WDFY2: variants seen among roughly 807,000 people sequenced by gnomAD.
WDFY2 encodes the protein WD repeat and FYVE domain containing 2.
A neutral mutation model predicts 56.4 loss-of-function variants in WDFY2; 36 were observed. That is an observed-to-expected ratio of 0.64 (90% CI 0.49 to 0.84). WDFY2 has a LOEUF of 0.84. Among genes scored for constraint, WDFY2 ranks in the 40% least tolerant of loss-of-function variants. The pLI, the probability that WDFY2 is intolerant of heterozygous loss-of-function variation, is 0.00. For synonymous variants in WDFY2, 176 were observed against 183.7 expected, an observed-to-expected ratio of 0.96 and a Z score of 0.34; for missense variants, 444 against 512.2, an observed-to-expected ratio of 0.87 and a Z score of 1.29.
intron 6 of WDFY2, among the ~76,000 whole-genome samples, chr13:51,730,251 C>T (rs1449650740): frequency 1.3e-5 from 2 of 152,198 alleles, no homozygotes; most frequent in East Asian, 3.8e-4. Flanking sequence ...GTCGTTATTA[C>T]GCCACTGAAA....
At chr13:51,589,379 ACT>A (rs935008926) in intron 1 of WDFY2, 2 of 151,586 alleles carry the variant, frequency 1.3e-5, no homozygotes, top group African/African-American at 4.9e-5. Flanking sequence ...TTTTTTCCTG[ACT>A]CTAAATTACT....
At chr13:51,636,645 G>A (rs1285137315) in intron 1 of WDFY2, among the ~76,000 whole-genome samples, 1 of 152,154 alleles carries the variant, frequency 6.6e-6, no homozygotes, top group Non-Finnish European at 1.5e-5. Flanking sequence ...ACGTTCAAGA[G>A]GTCTGGGATA....
At chr13:51,747,101 A>G (rs1259171053) in intron 7 of WDFY2, among the ~76,000 whole-genome samples, 3 of 152,210 alleles carry the variant, frequency 2.0e-5, no homozygotes, top group African/African-American at 7.2e-5. Flanking sequence ...TTTCCATGAA[A>G]CTCTGAGGCT....
chr13:51,593,248 C>T (rs897707061), intron 1 of WDFY2, among the ~76,000 whole-genome samples: 1 of 152,156 alleles, frequency 6.6e-6, no homozygotes, highest in Non-Finnish European at 1.5e-5. Flanking sequence ...GGCCTCTGAT[C>T]TCCCATCATG....
chr13:51,703,103 C>G (rs1952017428), intron 3 of WDFY2, among the ~76,000 whole-genome samples: 1 of 152,144 alleles, frequency 6.6e-6, no homozygotes, highest in South Asian at 2.1e-4. Context: ...AGGTACTGTG[C>G]CCGGTGTCCT....
Position 51,756,457 on chromosome 13 carries a change from T to C in WDFY2, c.1059T>C (p.Asp353=). The C allele has an allele frequency of 1.2e-6, 2 of 1,613,704 alleles. No individual in the cohort carries two copies. Among genetic ancestry groups the C allele is most frequent in the Non-Finnish European group, 1.7e-6 (2 of 1,179,802 alleles). ...VCDSCHEAIT[D]EERAPTATFH... ...ACAGCTGCCACGAGGCCATCACAGA[T>C]GAAGAGTAAGTTCCTGCAGCCTGCA... Residue 353 remains aspartate, a synonymous_variant, in exon 10 of 12, where the codon GAT becomes GAC. Transcript: ENST00000298125.
intron 2 of WDFY2, 74 bp downstream of exon 2, chr13:51,660,737 A>G: frequency 7.6e-7 from 1 of 1,309,228 alleles, no homozygotes; most frequent in Non-Finnish European, 1.1e-6. Context: ...TTTTCTTCTT[A>G]AGTAGAGAAG....
chr13:51,679,385 A>G (rs1955940701), intron 3 of WDFY2, among the ~76,000 whole-genome samples: 1 of 152,212 alleles, frequency 6.6e-6, no homozygotes, highest in Non-Finnish European at 1.5e-5. Flanking sequence ...ATATCTTGCT[A>G]AGATAAATGC....
chr13:51,637,141 A>C (rs1955069915), intron 1 of WDFY2, among the ~76,000 whole-genome samples: 1 of 152,196 alleles, frequency 6.6e-6, no homozygotes, highest in Non-Finnish European at 1.5e-5. Context: ...TGGAGGAGGA[A>C]CAGTTGCCTA....
chr13:51,744,704 T>C (rs1367236093), intron 7 of WDFY2, among the ~76,000 whole-genome samples: 1 of 152,192 alleles, frequency 6.6e-6, no homozygotes. Flanking sequence ...TGTGCACTTG[T>C]AAGAGCATTT....
chr13:51,713,846 C>CAAAA (rs763208351), intron 4 of WDFY2, among the ~76,000 whole-genome samples: 3 of 55,374 alleles, frequency 5.4e-5, no homozygotes, highest in African/African-American at 1.9e-4. Flanking sequence ...GATTCCATCT[C>CAAAA]AAAAAAAAAA....
intron 1 of WDFY2, among the ~76,000 whole-genome samples, chr13:51,619,859 T>A (rs896504953): frequency 6.6e-6 from 1 of 152,226 alleles, no homozygotes; most frequent in Non-Finnish European, 1.5e-5. Flanking sequence ...TTTGCCTTAT[T>A]TGAACCTGCC....
intron 3 of WDFY2, among the ~76,000 whole-genome samples, chr13:51,677,311 G>A (rs1475713561): frequency 6.6e-6 from 1 of 152,172 alleles, no homozygotes; most frequent in Non-Finnish European, 1.5e-5. Flanking sequence ...TGTTGAGGAA[G>A]ATGAATTGCA....
chr13:51,724,479 C>T (rs761994822), intron 5 of WDFY2, among the ~76,000 whole-genome samples: 8 of 152,094 alleles, frequency 5.3e-5, no homozygotes, highest in Non-Finnish European at 1.2e-4. Context: ...CCTCGTGATC[C>T]GACCGCCTCG....
At chr13:51,586,286 A>G (rs1258094652) in intron 1 of WDFY2, 3 of 379,440 alleles carry the variant, frequency 7.9e-6, no homozygotes, top group Non-Finnish European at 1.4e-5. Context: ...GGTAGATGTC[A>G]CTTTCCCAGT....
intron 1 of WDFY2, among the ~76,000 whole-genome samples, chr13:51,660,363 A>G (rs1173049731): frequency 2.2e-5 from 3 of 138,792 alleles, no homozygotes; most frequent in Non-Finnish European, 4.7e-5. Context: ...CTCTCAGCTA[A>G]TTTTTTTTTT....
At chr13:51,711,899 A>G (rs1952226781) in intron 4 of WDFY2, among the ~76,000 whole-genome samples, 2 of 152,240 alleles carry the variant, frequency 1.3e-5, no homozygotes, top group Non-Finnish European at 2.9e-5. Context: ...TCAAGGATCT[A>G]GAACTAGAAA....
chr13:51,613,747 G>A (rs905482989), intron 1 of WDFY2, among the ~76,000 whole-genome samples: 25 of 151,960 alleles, frequency 1.6e-4, no homozygotes, highest in African/African-American at 5.6e-4. Flanking sequence ...CAAGCCATGT[G>A]GTGTGCTGAT....
At chr13:51,613,426 A>G (rs1294216707) in intron 1 of WDFY2, among the ~76,000 whole-genome samples, 1 of 152,168 alleles carries the variant, frequency 6.6e-6, no homozygotes, top group Non-Finnish European at 1.5e-5. Flanking sequence ...AAACAGGACT[A>G]CATTTTGAGA....
Sources: allele counts gnomAD v4.1 joint callset (sites outside exome capture counted in the v4.1 genomes callset), GRCh38; gene constraint gnomAD v4.1.1; transcripts MANE v1.5; gene names NCBI Gene and HGNC (gene_info 2026-07-23, HGNC 2026-07-21).